The following MAP4K4 variants were observed in gnomAD, a reference collection of about 807,000 sequenced individuals.
The protein encoded by MAP4K4 is mitogen-activated protein kinase kinase kinase kinase 4.
Under a neutral mutation model 189.6 loss-of-function variants are expected in MAP4K4, and 38 were observed. The ratio of observed to expected loss-of-function variants is 0.20; its 90% CI spans 0.15 to 0.26. The LOEUF is 0.26. MAP4K4 is among the 10% of genes least tolerant of loss of function. The probability of loss-of-function intolerance (pLI) is 1.00; values close to 1 mark genes in which losing one functional copy is unlikely to be tolerated. For missense variants in MAP4K4, 1,054 were observed against 1,726.9 expected (o/e 0.61, Z 6.91); for synonymous variants, 610 against 624.3 (o/e 0.98, Z 0.34).
chr2:101,698,135 C>T, exon 1 of MAP4K4: 1 of 1,237,508 alleles, frequency 8.1e-7, no homozygotes, highest in Non-Finnish European at 1.0e-6. Context: ...CTCCTCCCTG[C>T]GGGTGAGTGG....
intron 3 of MAP4K4, among the ~76,000 whole-genome samples, chr2:101,805,316 C>A (rs1421589943): frequency 6.6e-6 from 1 of 152,082 alleles, no homozygotes; most frequent in East Asian, 1.9e-4. Context: ...CTTCTCTCAC[C>A]ACATATTACT....
chr2:101,766,538 G>C (rs984677999), intron 2 of MAP4K4, among the ~76,000 whole-genome samples: 1 of 151,800 alleles, frequency 6.6e-6, no homozygotes, highest in African/African-American at 2.4e-5. Context: ...TGTATTGGTT[G>C]GGTAATTTTG....
chr2:101,766,272 C>CT (rs1415812468), intron 2 of MAP4K4, among the ~76,000 whole-genome samples: 2 of 152,230 alleles, frequency 1.3e-5, no homozygotes, highest in East Asian at 3.9e-4. Flanking sequence ...TTTATGAGTG[C>CT]TGGGGGCTGG....
intron 3 of MAP4K4, among the ~76,000 whole-genome samples, chr2:101,798,774 T>C (rs962691522): frequency 6.6e-6 from 1 of 152,224 alleles, no homozygotes; most frequent in African/African-American, 2.4e-5. Flanking sequence ...GGAGAAAACA[T>C]AGTAGATACA....
chr2:101,733,772 C>T (rs189567584), intron 2 of MAP4K4, among the ~76,000 whole-genome samples: 1 of 152,330 alleles, frequency 6.6e-6, no homozygotes, highest in African/African-American at 2.4e-5. Context: ...CCAGGGCTCT[C>T]TGGCTCCAGG....
rs370099539 is a variant in MAP4K4, at chr2:101,799,279, G to T, written c.180+8503G>T. On this transcript the variant is annotated intron_variant, in intron 3 of 32. Coordinates refer to ENST00000324219, the Ensembl canonical transcript of MAP4K4. ...TTGTCAGAATTAAAATTAATGTAAA[G>T]TATGTAGTCTATTAGTTTTTACATA... Among the ~76,000 whole-genome samples the T allele has an allele frequency of 2.5e-3, 382 of 152,320 alleles. 1 individual carries two copies. The highest frequency in any genetic ancestry group is 8.7e-3 in the African/African-American group (363 of 41,570).
At chr2:101,749,354 T>C (rs1213109283) in intron 2 of MAP4K4, among the ~76,000 whole-genome samples, 4 of 151,440 alleles carry the variant, frequency 2.6e-5, no homozygotes, top group East Asian at 1.9e-4. Context: ...GAAATAACGC[T>C]GCATATCTAC....
chr2:101,702,400 C>T (rs997379996), intron 2 of MAP4K4, among the ~76,000 whole-genome samples: 1 of 152,006 alleles, frequency 6.6e-6, no homozygotes, highest in African/African-American at 2.4e-5. Context: ...AACCCCGTTT[C>T]TACTAAAAAT....
At chr2:101,797,198 A>C in intron 3 of MAP4K4, 1 of 1,274,820 alleles carries the variant, frequency 7.8e-7, no homozygotes, top group East Asian at 5.6e-5. Context: ...AAAGGAAGGG[A>C]AGGAGAGATC....
At chr2:101,784,275 T>A (rs953741686) in intron 2 of MAP4K4, among the ~76,000 whole-genome samples, 16 of 145,680 alleles carry the variant, frequency 1.1e-4, no homozygotes, top group South Asian at 2.1e-4. Flanking sequence ...TGTGTGTGTG[T>A]GTGTGTGTGT....
rs565214217 is a variant in MAP4K4, at chr2:101,756,085, C to A, written c.124-34635C>A. 4.0e-5 allele frequency among the ~76,000 whole-genome samples: 6 copies of A among 151,898 alleles called. No homozygotes were observed. The South Asian group carries it at 1.3e-3, about 32-fold the overall frequency. ...CCTCCTGAGTAGATGGGACTGCAGG[C>A]AACCGCCACCACGTCTGGCTAATTT... On this transcript the variant is annotated intron_variant, in intron 2 of 32. Coordinates refer to ENST00000324219, the Ensembl canonical transcript of MAP4K4.
At chr2:101,734,984 C>T (rs1023622982) in intron 2 of MAP4K4, among the ~76,000 whole-genome samples, 1 of 152,138 alleles carries the variant, frequency 6.6e-6, no homozygotes, top group Non-Finnish European at 1.5e-5. Context: ...TGTTCATGAG[C>T]AGGGTGTTGT....
intron 2 of MAP4K4, among the ~76,000 whole-genome samples, chr2:101,713,834 C>T (rs62155718): frequency 0.24 from 37,080 of 151,756 alleles, 5,380 homozygotes; most frequent in Non-Finnish European, 0.31. Context: ...ACGGAGGTAG[C>T]AGTGAGCTGA....
intron 2 of MAP4K4, among the ~76,000 whole-genome samples, chr2:101,772,814 T>C (rs1304232594): frequency 2.0e-5 from 3 of 152,228 alleles, no homozygotes; most frequent in African/African-American, 7.2e-5. Flanking sequence ...CACATGAGGA[T>C]GTCAGTCTTC....
intron 2 of MAP4K4, among the ~76,000 whole-genome samples, chr2:101,771,649 C>T (rs547995105): frequency 2.0e-5 from 3 of 152,292 alleles, no homozygotes; most frequent in South Asian, 2.1e-4. Context: ...TTCTTAAGTG[C>T]ACGGAGGCCG....
At chr2:101,791,916 T>C (rs2092937933) in intron 3 of MAP4K4, among the ~76,000 whole-genome samples, 1 of 152,230 alleles carries the variant, frequency 6.6e-6, no homozygotes, top group Non-Finnish European at 1.5e-5. Flanking sequence ...AATGAAAATG[T>C]ACCGTTGCTT....
chr2:101,874,009 A>C (rs1359780324), intron 25 of MAP4K4, 73 bp from the exon 26 acceptor site: 1 of 1,269,416 alleles, frequency 7.9e-7, no homozygotes, highest in Non-Finnish European at 1.1e-6. Context: ...ATTTACTTGA[A>C]GTATACTGGG....
chr2:101,781,023 A>G (rs1384238463), intron 2 of MAP4K4, among the ~76,000 whole-genome samples: 2 of 152,210 alleles, frequency 1.3e-5, no homozygotes, highest in Admixed American at 1.3e-4. Context: ...GCAGCTGCGT[A>G]TGTGTAGTAA....
intron 26 of MAP4K4, among the ~76,000 whole-genome samples, chr2:101,874,904 G>A (rs1262031249): frequency 3.3e-5 from 5 of 152,096 alleles, no homozygotes; most frequent in African/African-American, 4.8e-5. Flanking sequence ...GCTTTATCTT[G>A]TTACTCCCTC....
Sources: allele counts gnomAD v4.1 joint callset (sites outside exome capture counted in the v4.1 genomes callset), GRCh38; gene constraint gnomAD v4.1.1; transcripts MANE v1.5; gene names NCBI Gene and HGNC (gene_info 2026-07-23, HGNC 2026-07-21).